Variants in AQP4 observed in about 807,000 individuals in gnomAD.
AQP4 encodes aquaporin 4, also known as aquaporin-4.
A neutral mutation model predicts 27.8 loss-of-function variants in AQP4; 18 were observed. That is an observed-to-expected ratio of 0.65 (90% CI 0.45 to 0.96). The LOEUF (loss-of-function observed/expected upper bound fraction) is 0.96. Ranked by LOEUF, AQP4 falls within the 40% of genes least tolerant of loss-of-function variation. The probability of loss-of-function intolerance (pLI) is 0.00; values close to 1 mark genes in which losing one functional copy is unlikely to be tolerated. For missense variants in AQP4, 412 were observed against 408.2 expected (o/e 1.01, Z -0.08); for synonymous variants, 141 against 142.9 (o/e 0.99, Z 0.10).
chr18:26,856,382 G>A lies in AQP4; in HGVS notation c.801C>T (p.Ser267=). ...EFKRRFKEAF[S]KAAQQTKGSY... is the part of the protein sequence containing the mutation. ...TTCCTTTTGTTTGCTGGGCAGCTTT[G>A]CTGAAGGCTTCTTTAAAACGACGTT... Residue 267 remains serine (S), a synonymous_variant, in exon 5 of 5, where the codon AGC becomes AGT. Transcript: ENST00000383168. 6.2e-7 allele frequency: 1 copy of A among 1,614,224 alleles called. No individual in the cohort carries two copies. The highest frequency in any genetic ancestry group is 8.5e-7 in the Non-Finnish European group (1 of 1,180,038).
At position 26,860,832 on chromosome 18, in the gene AQP4, G is replaced by T; in HGVS notation, c.633C>A (p.Ser211Arg). ...HLFAINYTGASMNPARSFGPA... is the reference protein window; with the variant it reads ...HLFAINYTGARMNPARSFGPA... ...GTCCAAAGGATCGGGCGGGATTCAT[G>T]CTGGCACCAGTATAATTGATCTATA... Residue 211 changes from serine (S) to arginine (R), a missense_variant, in exon 4 of 5, where the codon AGC becomes AGA. Physicochemically the swap from Ser to Arg is moderately radical, Grantham distance 110. Coordinates refer to ENST00000383168, the MANE Select transcript of AQP4 (RefSeq NM_001650.7). 3 of 1,614,058 alleles carry T rather than the reference G, an allele frequency of 1.9e-6. No individual in the cohort carries two copies. Among genetic ancestry groups the T allele is most frequent in the Non-Finnish European group, 2.5e-6 (3 of 1,179,942 alleles).
chr18:26,855,845 C>A lies in AQP4; in HGVS notation c.*366G>T. 6.8e-6 allele frequency: 2 copies of A among 293,934 alleles called. No individual in the cohort carries two copies. The highest frequency in any genetic ancestry group is 1.3e-5 in the Non-Finnish European group (2 of 152,208). The allele number at this position is 293,934 out of a possible 1,614,324, so 18.2% of individuals were successfully genotyped here. On this transcript the variant is annotated 3_prime_UTR_variant, in exon 5 of 5. Coordinates refer to ENST00000383168, the MANE Select transcript of AQP4 (RefSeq NM_001650.7). ...AATATTCAAATAAGAATTGACTATACCAATATTCCAGTAGAGAAGGAATAA... is the reference window on the plus strand; with the variant it reads ...AATATTCAAATAAGAATTGACTATAACAATATTCCAGTAGAGAAGGAATAA...
rs1477051818 is a variant in AQP4 at position 26,852,634 on chromosome 18, AGTACTAAAC to A, written c.*3568_*3576del. ...ACTGCTCTTATGGGGCAATCTGTAG[AGTACTAAAC>A]TCACAAAATTTGTGGTAACAAAAGA... On this transcript the variant is annotated 3_prime_UTR_variant, in exon 5 of 5. Transcript: ENST00000383168. 7.6e-6 allele frequency: 3 copies of A among 393,132 alleles called. No homozygotes were observed. Among genetic ancestry groups the A allele is most frequent in the Non-Finnish European group, 1.3e-5 (3 of 222,994 alleles). 24.4% of individuals were successfully genotyped at this position (393,132 alleles called of 1,614,324 possible).
Position 26,856,064 on chromosome 18 carries a change from A to G in AQP4, c.*147T>C. On this transcript the variant is annotated 3_prime_UTR_variant, in exon 5 of 5. Transcript: ENST00000383168. The stretch of plus-strand genomic sequence containing the variant: ...TCCGTTCCTCCTTTGTAAATTATGA[A>G]ATATTTATTGTTTAGACTGAGTAAT... 1 of 971,264 alleles carries G rather than the reference A, an allele frequency of 1.0e-6. No individual in the cohort carries two copies. Among genetic ancestry groups the G allele is most frequent in the Non-Finnish European group, 1.6e-6 (1 of 639,332 alleles). 60.2% of individuals were successfully genotyped at this position (971,264 alleles called of 1,614,324 possible).
chr18:26,860,220 C>A (rs1372747839), intron 4 of AQP4, among the ~76,000 whole-genome samples: 2 of 152,072 alleles, frequency 1.3e-5, no homozygotes, highest in Admixed American at 6.6e-5. Flanking sequence ...TAACATAAAC[C>A]TTTGCACTAT....
At chr18:26,861,018 C>A (rs2054931977) in intron 3 of AQP4, 113 bp downstream of exon 3, 1 of 1,425,948 alleles carries the variant, frequency 7.0e-7, no homozygotes, top group Non-Finnish European at 9.9e-7. Context: ...CTAAAATGGA[C>A]AGTCATGGCT....
intron 3 of AQP4, 102 bp downstream of exon 3, chr18:26,861,029 G>T: frequency 6.8e-7 from 1 of 1,461,606 alleles, no homozygotes. Flanking sequence ...AGTCATGGCT[G>T]GATACTAAAG....
At chr18:26,857,781 T>A (rs1339653547) in intron 4 of AQP4, among the ~76,000 whole-genome samples, 2 of 152,226 alleles carry the variant, frequency 1.3e-5, no homozygotes, top group African/African-American at 4.8e-5. Context: ...TGTTGAGCAC[T>A]GTCCCCGGGC....
Position 26,856,098 on chromosome 18 carries a change from A to C in AQP4, c.*113T>G. On this transcript the variant is annotated 3_prime_UTR_variant, in exon 5 of 5. Coordinates refer to ENST00000383168, the MANE Select transcript of AQP4 (RefSeq NM_001650.7). ...TGTTTAGACTGAGTAATATGACATG[A>C]AACAACAAACCTGCACATTTCTAAT... 1 of 1,362,248 alleles carries C rather than the reference A, an allele frequency of 7.3e-7. No homozygotes were observed. The highest frequency in any genetic ancestry group is 1.0e-6 in the Non-Finnish European group (1 of 958,638). 84.4% of individuals were successfully genotyped at this position (1,362,248 alleles called of 1,614,324 possible).
chr18:26,865,713 T>A, upstream of AQP4: 1 of 1,614,130 alleles, frequency 6.2e-7, no homozygotes, highest in Non-Finnish European at 8.5e-7. Context: ...AGAGTGCAGC[T>A]CTCATTGCCT....
At chr18:26,862,036 A>G in intron 2 of AQP4, 146 bp downstream of exon 2, 1 of 897,854 alleles carries the variant, frequency 1.1e-6, no homozygotes, top group Non-Finnish European at 1.8e-6. Flanking sequence ...TGCCAGAATC[A>G]GTTTTCACAC....
rs952748978 is a variant in AQP4, at chr18:26,855,656, G to A, written c.*555C>T. 2 of 154,594 alleles carry A rather than the reference G, an allele frequency of 1.3e-5. No individual in the cohort carries two copies. The highest frequency in any genetic ancestry group is 4.8e-5 in the African/African-American group (2 of 41,444). 9.6% of individuals were successfully genotyped at this position (154,594 alleles called of 1,614,324 possible). Reference sequence around the variant, plus strand: ...AACTTGGGTATTTGTGATATAAATGGAAGGAAGTAACTGATGAGCAGTGAC... The same window carrying A: ...AACTTGGGTATTTGTGATATAAATGAAAGGAAGTAACTGATGAGCAGTGAC... On this transcript the variant is annotated 3_prime_UTR_variant, in exon 5 of 5. Transcript: ENST00000383168.
rs772007005 is a variant in AQP4, at chr18:26,861,113, ATGGACT to A, written c.612+12_612+17del. On this transcript the variant is annotated intron_variant, in intron 3 of 4. Coordinates refer to ENST00000383168, the MANE Select transcript of AQP4 (RefSeq NM_001650.7). ...AAATGAGGTGGGATTGATTATTTAA[ATGGACT>A]TGGAAACTTACTGCAAATAAATGTC... 2.8e-5 allele frequency: 45 copies of A among 1,613,670 alleles called. No individual in the cohort carries two copies. The African/African-American group carries it at 4.7e-4, about 17-fold the overall frequency.
intron 4 of AQP4, among the ~76,000 whole-genome samples, chr18:26,859,774 C>T (rs1038456328): frequency 5.9e-5 from 9 of 152,262 alleles, no homozygotes; most frequent in Admixed American, 5.2e-4. Flanking sequence ...TTGTCATTTG[C>T]AGTGTACACC....
chr18:26,857,493 A>G (rs2054865623), intron 4 of AQP4, among the ~76,000 whole-genome samples: 1 of 151,706 alleles, frequency 6.6e-6, no homozygotes, highest in African/African-American at 2.4e-5. Flanking sequence ...CGCCTGGCTA[A>G]TTTTTTGTAT....
In AQP4 at chr18:26,860,883, T is replaced by C. The variant is rs777793515; in HGVS notation, c.613-31A>G. The C allele has an allele frequency of 1.2e-5, 19 of 1,598,004 alleles. No homozygotes were observed. The East Asian group carries it at 1.8e-4, about 15-fold the overall frequency. ...GGAAACAAGAAAACAACTTCAGACA[T>C]TGCTGAAACAGGGCTACTAGCAAGT... On this transcript the variant is annotated intron_variant, in intron 3 of 4. Coordinates refer to ENST00000383168, the MANE Select transcript of AQP4 (RefSeq NM_001650.7).
intron 4 of AQP4, 66 bp from the exon 5 acceptor site, chr18:26,856,555 A>G (rs68006382): frequency 0.2 from 312,615 of 1,559,134 alleles, 34,031 homozygotes; most frequent in East Asian, 0.42. Flanking sequence ...GCAGCTCATG[A>G]ATGTAGAATC....
rs2054790223 is a variant in AQP4 at position 26,853,611 on chromosome 18, G to T, written c.*2600C>A. On this transcript the variant is annotated 3_prime_UTR_variant, in exon 5 of 5. Coordinates refer to ENST00000383168, the MANE Select transcript of AQP4 (RefSeq NM_001650.7). ...TCTCTTCTCTGTGTATCTGTCAGCAGTGGTCTCCTGGGAGCAGCACTATGC... is the reference window on the plus strand; with the variant it reads ...TCTCTTCTCTGTGTATCTGTCAGCATTGGTCTCCTGGGAGCAGCACTATGC... 2 of 152,538 alleles carry T rather than the reference G, an allele frequency of 1.3e-5. No individual in the cohort carries two copies. The highest frequency in any genetic ancestry group is 4.8e-5 in the African/African-American group (2 of 41,428). 9.4% of individuals were successfully genotyped at this position (152,538 alleles called of 1,614,324 possible). A position where few individuals can be genotyped will look rare whatever the true frequency, so the allele number is the denominator to read the frequency against.
chr18:26,865,730 C>A (rs576893511), upstream of AQP4: 342 of 1,613,592 alleles, frequency 2.1e-4, no homozygotes, highest in Admixed American at 2.8e-4. Context: ...GCCTGCCCCG[C>A]AGCTCCCTGT....
Sources: allele counts gnomAD v4.1 joint callset (sites outside exome capture counted in the v4.1 genomes callset), GRCh38; gene constraint gnomAD v4.1.1; transcripts MANE v1.5; gene names NCBI Gene and HGNC (gene_info 2026-07-23, HGNC 2026-07-21).